Variants in ATXN1 observed in about 807,000 individuals in gnomAD.
ATXN1 encodes ataxin-1.
In ATXN1, 8 loss-of-function variants were observed where a neutral mutation model predicts 56.4. The ratio of observed to expected loss-of-function variants is 0.14; its 90% CI spans 0.08 to 0.26. The LOEUF (loss-of-function observed/expected upper bound fraction) is 0.26. Ranked by LOEUF, ATXN1 falls within the 10% of genes least tolerant of loss-of-function variation. The pLI, the probability that ATXN1 is intolerant of heterozygous loss-of-function variation, is 1.00. For synonymous variants in ATXN1, 514 were observed against 494.6 expected, an observed-to-expected ratio of 1.04 and a Z score of -0.52; for missense variants, 987 against 1,106.5, an observed-to-expected ratio of 0.89 and a Z score of 1.53.
At chr6:16,668,345 T>TCCCCCCC (rs1581348082) in intron 2 of ATXN1, among the ~76,000 whole-genome samples, 2 of 68,922 alleles carry the variant, frequency 2.9e-5, no homozygotes, top group Admixed American at 1.6e-4. Context: ...CCCTCCCCCC[T>TCCCCCCC]CCCCCAACCC....
Position 16,628,348 on chromosome 6 carries a change from G to A in ATXN1, c.-489+29428C>T, listed in dbSNP as rs186129077. Among the ~76,000 whole-genome samples, 13 of 152,224 alleles carry A rather than the reference G, an allele frequency of 8.5e-5. No individual in the cohort carries two copies. In the East Asian group the frequency reaches 1.2e-3, roughly 14 times the overall value. On this transcript the variant is annotated intron_variant, in intron 3 of 7. Coordinates refer to ENST00000436367, the MANE Select transcript of ATXN1 (RefSeq NM_001128164.2). The stretch of plus-strand genomic sequence containing the variant: ...TCCACGTGCCCTCATCAAAATCCCC[G>A]TTTCTTAGAAGCTCCCTCTAGTGAG...
Position 16,313,558 on chromosome 6 carries a change from A to AT in ATXN1, c.1918-6700dup, listed in dbSNP as rs527792987. ...ACTAAAACAAGATGACGTTAATGGAATTTTTTTTTTTTTTTTGAGACAGAG... is the reference window on the plus strand; with the variant it reads ...ACTAAAACAAGATGACGTTAATGGAATTTTTTTTTTTTTTTTTGAGACAGAG... On this transcript the variant is annotated intron_variant, in intron 7 of 7. Transcript: ENST00000436367. 7.9e-3 allele frequency among the ~76,000 whole-genome samples: 1,135 copies of AT among 143,522 alleles called. 5 individuals carry two copies. The highest frequency in any genetic ancestry group is 0.01 in the African/African-American group (411 of 39,254). 94.2% of individuals were successfully genotyped at this position (143,522 alleles called of 152,430 possible). A position where few individuals can be genotyped will look rare whatever the true frequency, so the allele number is the denominator to read the frequency against.
At chr6:16,548,780 C>CA (rs1761861275) in intron 4 of ATXN1, among the ~76,000 whole-genome samples, 1 of 151,760 alleles carries the variant, frequency 6.6e-6, no homozygotes, top group Non-Finnish European at 1.5e-5. Flanking sequence ...AAAAATTAGC[C>CA]GGCGTGGTGG....
intron 6 of ATXN1, among the ~76,000 whole-genome samples, chr6:16,439,205 CAG>C (rs1759452595): frequency 6.6e-6 from 1 of 151,734 alleles, no homozygotes; most frequent in Admixed American, 6.6e-5. Context: ...ATAGAAAAAG[CAG>C]AGAGTTCCTT....
At chr6:16,361,660 A>G (rs565787400) in intron 6 of ATXN1, among the ~76,000 whole-genome samples, 45 of 152,330 alleles carry the variant, frequency 3.0e-4, no homozygotes, top group African/African-American at 1.1e-3. Flanking sequence ...ATGTTCAGTA[A>G]TAAATTTTAC....
At chr6:16,744,375 C>T (rs1760448919) in intron 2 of ATXN1, among the ~76,000 whole-genome samples, 1 of 152,136 alleles carries the variant, frequency 6.6e-6, no homozygotes, top group Admixed American at 6.5e-5. Flanking sequence ...AAATGTAAGA[C>T]AGAAGTTGTA....
chr6:16,378,944 C>T (rs1377669765), intron 6 of ATXN1, among the ~76,000 whole-genome samples: 5 of 152,188 alleles, frequency 3.3e-5, no homozygotes, highest in African/African-American at 4.8e-5. Flanking sequence ...AGTCATTATT[C>T]GAAAAAGATA....
intron 3 of ATXN1, among the ~76,000 whole-genome samples, chr6:16,630,188 C>T (rs539263639): frequency 1.8e-4 from 27 of 152,294 alleles, no homozygotes; most frequent in African/African-American, 5.8e-4. Context: ...TGCCCTCTTA[C>T]ACTCACTGAT....
At chr6:16,453,594 C>T (rs1295519340) in intron 6 of ATXN1, among the ~76,000 whole-genome samples, 1 of 152,102 alleles carries the variant, frequency 6.6e-6, no homozygotes, top group Non-Finnish European at 1.5e-5. Flanking sequence ...TCATTATCAT[C>T]ATCATCATCA....
chr6:16,510,897 G>C (rs555060023), intron 5 of ATXN1, among the ~76,000 whole-genome samples: 13 of 152,218 alleles, frequency 8.5e-5, no homozygotes, highest in South Asian at 6.2e-4. Flanking sequence ...TCTATTTAAG[G>C]GTGGGAAGTC....
chr6:16,755,495 A>G (rs1760859573), intron 1 of ATXN1, among the ~76,000 whole-genome samples: 1 of 152,208 alleles, frequency 6.6e-6, no homozygotes, highest in Admixed American at 6.5e-5. Context: ...GGCCTAAACA[A>G]AACTGAGGTA....
intron 4 of ATXN1, among the ~76,000 whole-genome samples, chr6:16,537,223 A>G (rs970013079): frequency 7.9e-5 from 12 of 152,194 alleles, no homozygotes; most frequent in Non-Finnish European, 1.6e-4. Flanking sequence ...TGACAAATTC[A>G]TTAGCAATAA....
At chr6:16,595,952 C>T (rs189014157) in intron 3 of ATXN1, among the ~76,000 whole-genome samples, 2 of 152,228 alleles carry the variant, frequency 1.3e-5, no homozygotes, top group East Asian at 1.9e-4. Context: ...TAAACAGGAG[C>T]GAGAGACTTT....
chr6:16,703,857 T>C (rs1168544811), intron 2 of ATXN1, among the ~76,000 whole-genome samples: 1 of 152,132 alleles, frequency 6.6e-6, no homozygotes, highest in African/African-American at 2.4e-5. Flanking sequence ...CCGTCTCTAC[T>C]AAAAATACAA....
At chr6:16,464,746 TA>T (rs34230333) in intron 6 of ATXN1, among the ~76,000 whole-genome samples, 76,439 of 139,922 alleles carry the variant, frequency 0.55, 20,511 homozygotes, top group East Asian at 0.83. Context: ...ACAGGGATAG[TA>T]AAAAAAAAAA....
At chr6:16,319,389 C>A (rs179995) in intron 7 of ATXN1, among the ~76,000 whole-genome samples, 66,515 of 151,932 alleles carry the variant, frequency 0.44, 14,736 homozygotes, top group East Asian at 0.52. Context: ...CATTCTGGAA[C>A]AGGCAAAACT....
intron 2 of ATXN1, among the ~76,000 whole-genome samples, chr6:16,665,577 G>C (rs1758408030): frequency 6.6e-6 from 1 of 152,192 alleles, no homozygotes; most frequent in Admixed American, 6.5e-5. Flanking sequence ...AGTGAGAACT[G>C]CTGACCAGGC....
At chr6:16,750,706 A>G (rs1051015196) in intron 2 of ATXN1, among the ~76,000 whole-genome samples, 1 of 152,222 alleles carries the variant, frequency 6.6e-6, no homozygotes, top group Non-Finnish European at 1.5e-5. Context: ...TAAGCTGCCC[A>G]TATTGACCAA....
chr6:16,315,115 C>T (rs577384800), intron 7 of ATXN1, among the ~76,000 whole-genome samples: 18 of 152,200 alleles, frequency 1.2e-4, no homozygotes, highest in South Asian at 2.1e-4. Context: ...CCACACTATC[C>T]GATGACGTCC....
Sources: allele counts gnomAD v4.1 joint callset (sites outside exome capture counted in the v4.1 genomes callset), GRCh38; gene constraint gnomAD v4.1.1; transcripts MANE v1.5; gene names NCBI Gene and HGNC (gene_info 2026-07-23, HGNC 2026-07-21).